CSMD3: variants seen among roughly 807,000 people sequenced by gnomAD.
CSMD3 encodes the protein CUB and sushi domain-containing protein 3.
A neutral mutation model predicts 435.2 loss-of-function variants in CSMD3; 177 were observed. That is an observed-to-expected ratio of 0.41 (90% confidence interval 0.36 to 0.46). The LOEUF (loss-of-function observed/expected upper bound fraction) is 0.46, where lower values mean the gene tolerates loss of function less well. CSMD3 is among the 20% of genes least tolerant of loss of function. The probability of loss-of-function intolerance (pLI) is 0.34; values close to 1 mark genes in which losing one functional copy is unlikely to be tolerated. For synonymous variants in CSMD3, 1,656 were observed against 1,520.5 expected (o/e 1.09, Z -2.07); for missense variants, 4,265 against 4,504.6 (o/e 0.95, Z 1.52).
At chr8:112,535,665 A>T (rs1046843232) in intron 27 of CSMD3, among the ~76,000 whole-genome samples, 4 of 152,068 alleles carry the variant, frequency 2.6e-5, no homozygotes, top group African/African-American at 7.2e-5. Context: ...GAATTGGAAA[A>T]AACTACTTTA....
intron 13 of CSMD3, among the ~76,000 whole-genome samples, chr8:112,747,760 G>A (rs1175488165): frequency 6.6e-6 from 1 of 152,036 alleles, no homozygotes; most frequent in Non-Finnish European, 1.5e-5. Flanking sequence ...CGGATCACGA[G>A]GTCAGGAGAT....
chr8:112,399,419 C>T (rs374581012), intron 35 of CSMD3, among the ~76,000 whole-genome samples: 1 of 152,028 alleles, frequency 6.6e-6, no homozygotes, highest in African/African-American at 2.4e-5. Context: ...TGCCACCACA[C>T]CCAGTTAATT....
intron 35 of CSMD3, among the ~76,000 whole-genome samples, chr8:112,399,781 T>C (rs939553332): frequency 5.9e-5 from 9 of 152,336 alleles, no homozygotes; most frequent in African/African-American, 1.9e-4. Context: ...TTTCCTCTAT[T>C]GTTCAACAAC....
At chr8:113,296,291 T>TGTAATA (rs373116266) in intron 2 of CSMD3, among the ~76,000 whole-genome samples, 1 of 146,228 alleles carries the variant, frequency 6.8e-6, no homozygotes, top group Non-Finnish European at 1.5e-5. Flanking sequence ...GAACTTAAAG[T>TGTAATA]ATAATAATAA....
intron 23 of CSMD3, among the ~76,000 whole-genome samples, chr8:112,576,060 A>C (rs1395852674): frequency 1.6e-5 from 2 of 123,510 alleles, no homozygotes; most frequent in African/African-American, 2.6e-5. Flanking sequence ...TAAATAAAAT[A>C]CAATCAATTG....
intron 13 of CSMD3, among the ~76,000 whole-genome samples, chr8:112,773,503 T>A (rs2132209329): frequency 6.6e-6 from 1 of 152,136 alleles, no homozygotes; most frequent in African/African-American, 2.4e-5. Flanking sequence ...AGCATGAGAA[T>A]TAGAAAGGTA....
intron 5 of CSMD3, among the ~76,000 whole-genome samples, chr8:113,080,412 T>C (rs774859070): frequency 1.3e-5 from 2 of 152,150 alleles, no homozygotes; most frequent in Non-Finnish European, 2.9e-5. Flanking sequence ...AAATATTCAT[T>C]ATGAGCCTAC....
chr8:113,143,578 A>C (rs1459834125), intron 4 of CSMD3, among the ~76,000 whole-genome samples: 1 of 151,436 alleles, frequency 6.6e-6, no homozygotes, highest in African/African-American at 2.4e-5. Flanking sequence ...TAGTTAAATA[A>C]ACTACAGTAC....
At chr8:113,067,002 A>T (rs1051608582) in intron 5 of CSMD3, among the ~76,000 whole-genome samples, 8 of 152,122 alleles carry the variant, frequency 5.3e-5, no homozygotes, top group African/African-American at 1.9e-4. Context: ...AAACCTGAAG[A>T]ATCATTTTTA....
intron 22 of CSMD3, among the ~76,000 whole-genome samples, chr8:112,591,188 TA>T (rs1831159929): frequency 6.6e-6 from 1 of 152,120 alleles, no homozygotes; most frequent in Non-Finnish European, 1.5e-5. Flanking sequence ...TCATATAAAA[TA>T]TTTTTTTATT....
At chr8:113,424,996 A>C (rs1382767247) in intron 1 of CSMD3, among the ~76,000 whole-genome samples, 3 of 151,578 alleles carry the variant, frequency 2.0e-5, no homozygotes, top group Non-Finnish European at 4.4e-5. Context: ...CCTGCTTCAA[A>C]TAGATGATGA....
intron 32 of CSMD3, among the ~76,000 whole-genome samples, chr8:112,432,448 T>C (rs1813822315): frequency 6.6e-6 from 1 of 152,036 alleles, no homozygotes; most frequent in South Asian, 2.1e-4. Context: ...AGACCACAGG[T>C]GTGAGCCACC....
intron 22 of CSMD3, among the ~76,000 whole-genome samples, chr8:112,601,415 C>A (rs976912906): frequency 6.6e-6 from 1 of 152,030 alleles, no homozygotes; most frequent in African/African-American, 2.4e-5. Context: ...GACACTCAAC[C>A]CCTTCATGAT....
At chr8:112,261,895 C>T (rs993003561) in intron 61 of CSMD3, among the ~76,000 whole-genome samples, 5 of 151,164 alleles carry the variant, frequency 3.3e-5, no homozygotes, top group South Asian at 2.1e-4. Flanking sequence ...TCTTGTATTG[C>T]CTTTTTTATT....
chr8:112,975,442 G>A lies in CSMD3; in HGVS notation c.1342+395C>T, dbSNP rs547500066. Among the ~76,000 whole-genome samples the A allele has an allele frequency of 5.9e-5, 9 of 152,086 alleles. No homozygotes were observed. In the South Asian group the frequency reaches 1.7e-3, roughly 28 times the overall value. On this transcript the variant is annotated intron_variant, in intron 7 of 70. Transcript: ENST00000297405. Reference sequence around the variant, plus strand: ...GCAAACGCTAAAAATTACTACATGGGATAAATCATCTATGTGTAAATATAT... The same window carrying A: ...GCAAACGCTAAAAATTACTACATGGAATAAATCATCTATGTGTAAATATAT...
intron 4 of CSMD3, among the ~76,000 whole-genome samples, chr8:113,145,286 T>C (rs2131748678): frequency 6.6e-6 from 1 of 151,690 alleles, no homozygotes; most frequent in East Asian, 1.9e-4. Flanking sequence ...TGAGATGTAG[T>C]GGCCTTACAA....
intron 5 of CSMD3, among the ~76,000 whole-genome samples, chr8:113,054,835 C>G (rs1374439676): frequency 1.3e-5 from 2 of 152,072 alleles, no homozygotes; most frequent in East Asian, 3.9e-4. Flanking sequence ...ACTTAAATGT[C>G]TCTAGTGGAT....
In CSMD3 at chr8:112,893,048, C is replaced by A. The variant is rs144765645; in HGVS notation, c.1633+28579G>T. Among the ~76,000 whole-genome samples, 105 of 151,330 alleles carry A rather than the reference C, an allele frequency of 6.9e-4. 1 individual carries two copies. The highest frequency in any genetic ancestry group is 2.4e-3 in the African/African-American group (100 of 41,370). ...GGCACTATTAGTACTGCTGTTGCTG[C>A]TGCTGCTACTACTACTACTATAACA... On this transcript the variant is annotated intron_variant, in intron 10 of 70. Coordinates refer to ENST00000297405, the MANE Select transcript of CSMD3 (RefSeq NM_198123.2).
chr8:113,409,287 G>T (rs1239808598), intron 1 of CSMD3, among the ~76,000 whole-genome samples: 1 of 151,728 alleles, frequency 6.6e-6, no homozygotes, highest in South Asian at 2.1e-4. Flanking sequence ...GTTTCACCAT[G>T]TTGGTCAGGG....
Sources: gnomAD v4.1 joint callset for allele counts (sites outside exome capture counted in the v4.1 genomes callset) on GRCh38, gnomAD v4.1.1 for gene constraint, MANE v1.5 for transcripts, NCBI Gene and HGNC (gene_info 2026-07-23, HGNC 2026-07-21) for gene names.